The following SEZ6L variants were observed in gnomAD, a reference collection of about 807,000 sequenced individuals.
The protein encoded by SEZ6L is seizure related 6 homolog like.
In SEZ6L, 37 loss-of-function variants were observed where a neutral mutation model predicts 106.2. That is an observed-to-expected ratio of 0.35 (90% confidence interval 0.27 to 0.46). The LOEUF is 0.46. Among genes scored for constraint, SEZ6L ranks in the 20% least tolerant of loss-of-function variants. The pLI, the probability that SEZ6L is intolerant of heterozygous loss-of-function variation, is 1.00. For missense variants in SEZ6L, 1,172 were observed against 1,332.8 expected (o/e 0.88, Z 1.88); for synonymous variants, 541 against 570.4 (o/e 0.95, Z 0.73).
chr22:26,325,529 C>G (rs139076804), intron 9 of SEZ6L, among the ~76,000 whole-genome samples: 1 of 152,288 alleles, frequency 6.6e-6, no homozygotes, highest in East Asian at 1.9e-4. Flanking sequence ...ATATAGAAGA[C>G]TCAGAAAATG....
At chr22:26,370,082 T>C (rs1204113291) in intron 13 of SEZ6L, among the ~76,000 whole-genome samples, 1 of 152,138 alleles carries the variant, frequency 6.6e-6, no homozygotes, top group Non-Finnish European at 1.5e-5. Flanking sequence ...ATTAGCAGGA[T>C]TTGTTTTTTA....
Position 26,382,729 on chromosome 22 carries a change from CG to C in SEZ6L, c.*2435del, listed in dbSNP as rs1487943940. 6.7e-6 allele frequency: 1 copy of C among 149,096 alleles called. No homozygotes were observed. The highest frequency in any genetic ancestry group is 2.4e-5 in the African/African-American group (1 of 41,196). 9.2% of individuals were successfully genotyped at this position (149,096 alleles called of 1,614,324 possible). On this transcript the variant is annotated 3_prime_UTR_variant, in exon 17 of 17. Coordinates refer to ENST00000248933, the MANE Select transcript of SEZ6L (RefSeq NM_021115.5). The stretch of plus-strand genomic sequence containing the variant: ...AATATCTGAATGTGTATTTGTAATA[CG>C]TAAAGGTAAAAAAAAATAGTGCCAA...
At chr22:26,216,688 AAAAG>A (rs1489075514) in intron 1 of SEZ6L, among the ~76,000 whole-genome samples, 1 of 152,082 alleles carries the variant, frequency 6.6e-6, no homozygotes, top group East Asian at 1.9e-4. Flanking sequence ...AAGAAAAAGA[AAAAG>A]AAATGGTCCA....
At chr22:26,238,644 C>G (rs1006364500) in intron 1 of SEZ6L, among the ~76,000 whole-genome samples, 2 of 152,206 alleles carry the variant, frequency 1.3e-5, no homozygotes, top group African/African-American at 4.8e-5. Context: ...TGGGCACCAA[C>G]AATAAGCCAG....
Position 26,260,746 on chromosome 22 carries a change from T to C in SEZ6L, c.95-31660T>C, listed in dbSNP as rs192050970. 8.3e-3 allele frequency among the ~76,000 whole-genome samples: 1,260 copies of C among 152,286 alleles called. 23 individuals are homozygous for C. The highest frequency in any genetic ancestry group is 0.029 in the African/African-American group (1,206 of 41,564). The stretch of plus-strand genomic sequence containing the variant: ...ACCTCTTTTCTTCTGGGTAGATACC[T>C]AGTAGTGGGATTGCTGGATCAAATG... On this transcript the variant is annotated intron_variant, in intron 1 of 16. Transcript: ENST00000248933.
At chr22:26,361,629 A>G (rs2083638816) in intron 12 of SEZ6L, among the ~76,000 whole-genome samples, 1 of 152,100 alleles carries the variant, frequency 6.6e-6, no homozygotes, top group South Asian at 2.1e-4. Context: ...GGTGCTCACT[A>G]TATGCTGCCC....
intron 1 of SEZ6L, among the ~76,000 whole-genome samples, chr22:26,177,517 A>C (rs1363180722): frequency 6.6e-6 from 1 of 152,204 alleles, no homozygotes; most frequent in Admixed American, 6.5e-5. Flanking sequence ...CCTACTGCTT[A>C]TTGTTGAATC....
chr22:26,299,992 T>C (rs1038819449), intron 5 of SEZ6L, among the ~76,000 whole-genome samples: 12 of 152,216 alleles, frequency 7.9e-5, no homozygotes, highest in Non-Finnish European at 1.3e-4. Context: ...ATATGTTCTT[T>C]TCCATGTTGT....
chr22:26,222,684 G>A (rs780177919), intron 1 of SEZ6L, among the ~76,000 whole-genome samples: 10 of 152,096 alleles, frequency 6.6e-5, no homozygotes, highest in South Asian at 2.1e-4. Flanking sequence ...CGGGGGGAAC[G>A]CCCACATACA....
At chr22:26,294,892 G>T (rs4822699) in intron 3 of SEZ6L, among the ~76,000 whole-genome samples, 29,819 of 60,890 alleles carry the variant, frequency 0.49, 7,971 homozygotes, top group Middle Eastern at 0.61. Context: ...TTTCTTTCTT[G>T]CTTGCTTGCT....
intron 1 of SEZ6L, among the ~76,000 whole-genome samples, chr22:26,200,798 G>T (rs1311418782): frequency 6.6e-6 from 1 of 152,082 alleles, no homozygotes; most frequent in East Asian, 1.9e-4. Context: ...TCATCCTGGG[G>T]TTCTGGGTAA....
chr22:26,287,154 C>A (rs2080962721), intron 1 of SEZ6L, among the ~76,000 whole-genome samples: 1 of 151,892 alleles, frequency 6.6e-6, no homozygotes, highest in Non-Finnish European at 1.5e-5. Flanking sequence ...AGATACGCTG[C>A]TGCCCCAACT....
rs1401632369 is a variant in SEZ6L, at chr22:26,181,801, ATATCAT to A, written c.94+12047_94+12052del. On this transcript the variant is annotated intron_variant, in intron 1 of 16. Coordinates refer to ENST00000248933, the MANE Select transcript of SEZ6L (RefSeq NM_021115.5). ...TATATGTAATATATAATAACATATT[ATATCAT>A]TATCATTAAGTATGCAATGTATCTT... Among the ~76,000 whole-genome samples the A allele has an allele frequency of 2.0e-5, 3 of 152,220 alleles. No homozygotes were observed. In the East Asian group the frequency reaches 5.8e-4, roughly 29 times the overall value.
intron 13 of SEZ6L, among the ~76,000 whole-genome samples, chr22:26,365,903 G>A (rs1568948827): frequency 6.6e-6 from 1 of 151,816 alleles, no homozygotes; most frequent in Non-Finnish European, 1.5e-5. Context: ...AAATAATAGA[G>A]CTGAGCTGCT....
At position 26,310,779 on chromosome 22, in the gene SEZ6L, A is replaced by G. The variant is rs201153704; in HGVS notation, c.1624A>G (p.Ile542Val). ...GCTGAGCGAAGGCAACACCATCCGC[A>G]TCGAGTTCACGTCCGACCAGGCCCG... ...GLLSEGNTIR[I>V]EFTSDQARAA... The change falls in exon 7 of 17, where the codon ATC becomes GTC. Residue 542 changes from isoleucine (I) to valine (V), a missense_variant. By Grantham distance (29) the Ile-to-Val change is conservative. This residue lies in a region of SEZ6L where 534 missense variants were observed against 691.0 expected (regional missense o/e 0.77). Transcript: ENST00000248933. 2.3e-3 allele frequency: 3,729 copies of G among 1,614,128 alleles called. 96 individuals are homozygous for G. The South Asian group carries it at 0.038, about 17-fold the overall frequency.
At chr22:26,323,419 G>T (rs2082212374) in intron 9 of SEZ6L, among the ~76,000 whole-genome samples, 1 of 152,172 alleles carries the variant, frequency 6.6e-6, no homozygotes, top group Non-Finnish European at 1.5e-5. Flanking sequence ...GATCGCTTGA[G>T]CCCAGGAGTT....
Position 26,377,710 on chromosome 22 carries a change from T to C in SEZ6L, c.2980T>C (p.Tyr994His). 1 of 1,614,000 alleles carries C rather than the reference T, an allele frequency of 6.2e-7. No individual in the cohort carries two copies. The highest frequency in any genetic ancestry group is 8.5e-7 in the Non-Finnish European group (1 of 1,179,912). Reference protein sequence around the residue: ...YYSNLRLPLMYSHPYSQITVE... With the variant: ...YYSNLRLPLMHSHPYSQITVE... ...TTCCAACCTCCGCCTGCCTCTGATGTACTCCCACCCCTACAGCCAGATCAC... is the reference window on the plus strand; with the variant it reads ...TTCCAACCTCCGCCTGCCTCTGATGCACTCCCACCCCTACAGCCAGATCAC... The change falls in exon 16 of 17, where the codon TAC becomes CAC. Residue 994 changes from tyrosine to histidine, a missense_variant. Transcript: ENST00000248933.
intron 12 of SEZ6L, among the ~76,000 whole-genome samples, chr22:26,357,335 A>T (rs1408329817): frequency 6.6e-6 from 1 of 152,128 alleles, no homozygotes; most frequent in Non-Finnish European, 1.5e-5. Context: ...GAACCCTGGC[A>T]CTAGCCCCTG....
intron 10 of SEZ6L, among the ~76,000 whole-genome samples, chr22:26,346,959 C>T (rs1211553630): frequency 6.6e-6 from 1 of 151,844 alleles, no homozygotes. Flanking sequence ...TTTGGGAGGC[C>T]CAGGCGGTAG....
Sources: gnomAD v4.1 joint callset for allele counts (sites outside exome capture counted in the v4.1 genomes callset) on GRCh38, gnomAD v4.1.1 for gene constraint, gnomAD v4.1.1 regional missense constraint, MANE v1.5 for transcripts, NCBI Gene and HGNC (gene_info 2026-07-23, HGNC 2026-07-21) for gene names.